Variants in CDH12 observed in about 807,000 individuals in gnomAD.
The protein encoded by CDH12 is cadherin 12.
Under a neutral mutation model 74.1 loss-of-function variants are expected in CDH12, and 41 were observed. That is an observed-to-expected ratio of 0.55 (90% CI 0.43 to 0.72). The LOEUF is 0.72. Among genes scored for constraint, CDH12 ranks in the 30% least tolerant of loss-of-function variants. The pLI is 0.00. For missense variants in CDH12, 945 were observed against 977.2 expected (o/e 0.97, Z 0.44); for synonymous variants, 399 against 355.0 (o/e 1.12, Z -1.39).
intron 3 of CDH12, among the ~76,000 whole-genome samples, chr5:22,361,316 A>G (rs1348131409): frequency 6.6e-6 from 1 of 152,166 alleles, no homozygotes; most frequent in Admixed American, 6.5e-5. Flanking sequence ...ATCATGAGTG[A>G]ACTCCCATTC....
chr5:22,307,118 C>T (rs1323254615), intron 3 of CDH12, among the ~76,000 whole-genome samples: 1 of 152,120 alleles, frequency 6.6e-6, no homozygotes, highest in Non-Finnish European at 1.5e-5. Flanking sequence ...TGTGGAAACT[C>T]TCACAGCTCA....
At chr5:21,993,692 G>T (rs896396112) in intron 5 of CDH12, among the ~76,000 whole-genome samples, 1 of 151,998 alleles carries the variant, frequency 6.6e-6, no homozygotes, top group Non-Finnish European at 1.5e-5. Flanking sequence ...CTCAAGAGAC[G>T]AACACAGCCC....
intron 1 of CDH12, among the ~76,000 whole-genome samples, chr5:22,640,853 C>T (rs1192269679): frequency 1.3e-5 from 2 of 152,144 alleles, no homozygotes; most frequent in Non-Finnish European, 2.9e-5. Flanking sequence ...ACTATTCATA[C>T]GATTCTCTAC....
chr5:22,742,347 C>G (rs939090748), intron 1 of CDH12, among the ~76,000 whole-genome samples: 1 of 152,098 alleles, frequency 6.6e-6, no homozygotes, highest in African/African-American at 2.4e-5. Context: ...ATGAGCTGCC[C>G]TCTGTCTTAA....
At chr5:21,774,800 A>C (rs1745499387) in intron 11 of CDH12, among the ~76,000 whole-genome samples, 1 of 152,228 alleles carries the variant, frequency 6.6e-6, no homozygotes, top group African/African-American at 2.4e-5. Context: ...GATTGACATC[A>C]ATTTGGAATT....
chr5:22,545,282 T>G (rs1319163925), intron 1 of CDH12, among the ~76,000 whole-genome samples: 8 of 152,202 alleles, frequency 5.3e-5, no homozygotes, highest in Non-Finnish European at 8.8e-5. Flanking sequence ...TTGGTTTGTC[T>G]GAATATATAG....
intron 12 of CDH12, 124 bp downstream of exon 12, chr5:21,764,854 T>C (rs1744929821): frequency 1.1e-6 from 1 of 881,656 alleles, no homozygotes; most frequent in Admixed American, 2.3e-5. Flanking sequence ...TTTTATGGTT[T>C]CTTTTATGAA....
At chr5:21,980,803 G>T (rs1027713821) in intron 5 of CDH12, among the ~76,000 whole-genome samples, 10 of 151,928 alleles carry the variant, frequency 6.6e-5, no homozygotes, top group African/African-American at 2.4e-4. Flanking sequence ...GTGTTCATAG[G>T]TACTATGGTA....
chr5:21,998,839 T>C (rs1351589267), intron 5 of CDH12, among the ~76,000 whole-genome samples: 1 of 152,160 alleles, frequency 6.6e-6, no homozygotes, highest in Non-Finnish European at 1.5e-5. Flanking sequence ...CTTTCTTTGT[T>C]CTTTTCCTTC....
chr5:22,688,565 C>T (rs756574631), intron 1 of CDH12, among the ~76,000 whole-genome samples: 28 of 152,206 alleles, frequency 1.8e-4, no homozygotes, highest in Admixed American at 2.6e-4. Context: ...TTCTCTGTAA[C>T]GAATAATACC....
intron 3 of CDH12, among the ~76,000 whole-genome samples, chr5:22,308,815 C>T (rs60945980): frequency 0.24 from 1,306 of 5,510 alleles, 41 homozygotes; most frequent in South Asian, 0.47. Context: ...CACAAACACA[C>T]ACACACACAC....
intron 1 of CDH12, among the ~76,000 whole-genome samples, chr5:22,642,271 A>G (rs894393757): frequency 7.9e-5 from 12 of 152,224 alleles, no homozygotes; most frequent in Admixed American, 2.0e-4. Flanking sequence ...TAAATTATAT[A>G]GAGACATTTG....
At chr5:22,237,720 T>C (rs916380579) in intron 3 of CDH12, among the ~76,000 whole-genome samples, 4 of 152,182 alleles carry the variant, frequency 2.6e-5, no homozygotes, top group African/African-American at 4.8e-5. Context: ...AAACAACTTA[T>C]GAAACATTGT....
intron 1 of CDH12, among the ~76,000 whole-genome samples, chr5:22,755,355 G>A (rs546157210): frequency 7.9e-5 from 12 of 152,158 alleles, no homozygotes; most frequent in Admixed American, 7.8e-4. Context: ...TGTAACTGAT[G>A]GGTCACATGA....
chr5:22,840,175 C>T (rs977109973), intron 1 of CDH12, among the ~76,000 whole-genome samples: 4 of 152,138 alleles, frequency 2.6e-5, no homozygotes, highest in Admixed American at 2.0e-4. Context: ...GGCTGGAGTG[C>T]GGTTGCACGA....
At chr5:22,437,651 G>T (rs1312536096) in intron 2 of CDH12, among the ~76,000 whole-genome samples, 1 of 151,564 alleles carries the variant, frequency 6.6e-6, no homozygotes, top group Admixed American at 6.6e-5. Flanking sequence ...AACATAATGT[G>T]GGGCTTTTAA....
At chr5:22,768,717 G>T (rs1457841597) in intron 1 of CDH12, among the ~76,000 whole-genome samples, 3 of 152,020 alleles carry the variant, frequency 2.0e-5, no homozygotes, top group Non-Finnish European at 4.4e-5. Context: ...CTCTGCCACT[G>T]ATTTCCTATT....
At chr5:22,327,456 G>A (rs1457438488) in intron 3 of CDH12, among the ~76,000 whole-genome samples, 2 of 151,792 alleles carry the variant, frequency 1.3e-5, no homozygotes, top group Non-Finnish European at 2.9e-5. Flanking sequence ...GTGTGTGTGT[G>A]TGTGTGTGTG....
intron 6 of CDH12, among the ~76,000 whole-genome samples, chr5:21,903,834 C>A (rs1238332756): frequency 6.6e-6 from 1 of 151,610 alleles, no homozygotes; most frequent in African/African-American, 2.4e-5. Context: ...AAAGTAGGAG[C>A]CAAAAGATAA....
Sources: allele counts gnomAD v4.1 joint callset (sites outside exome capture counted in the v4.1 genomes callset), GRCh38; gene constraint gnomAD v4.1.1; transcripts MANE v1.5; gene names NCBI Gene and HGNC (gene_info 2026-07-23, HGNC 2026-07-21).